Variants in KLHL3 observed in about 807,000 individuals in gnomAD.
The protein encoded by KLHL3 is kelch like family member 3.
A neutral mutation model predicts 70.5 loss-of-function variants in KLHL3; 19 were observed. That is an observed-to-expected ratio of 0.27 (90% CI 0.19 to 0.40). The LOEUF is 0.40. Ranked by LOEUF, KLHL3 falls within the 10% of genes least tolerant of loss-of-function variation. KLHL3 has a pLI of 1.00. For missense variants in KLHL3, 512 were observed against 771.1 expected (o/e 0.66, Z 3.98); for synonymous variants, 258 against 290.3 (o/e 0.89, Z 1.13).
chr5:137,709,204 C>T (rs1185762461), intron 3 of KLHL3, among the ~76,000 whole-genome samples: 30 of 152,234 alleles, frequency 2.0e-4, no homozygotes, highest in Non-Finnish European at 1.5e-5. Context: ...CCCCTCAAAA[C>T]CCACCATCAT....
intron 12 of KLHL3, among the ~76,000 whole-genome samples, chr5:137,631,122 G>A (rs1010980199): frequency 3.3e-5 from 5 of 150,276 alleles, no homozygotes; most frequent in Admixed American, 6.6e-5. Context: ...ATAACATTGC[G>A]GGAATGTGGC....
intron 3 of KLHL3, among the ~76,000 whole-genome samples, chr5:137,700,141 G>C (rs1269936268): frequency 6.6e-6 from 1 of 152,164 alleles, no homozygotes; most frequent in East Asian, 1.9e-4. Flanking sequence ...AAAGAAACAA[G>C]GGAAAAACAG....
rs139529587 is a variant in KLHL3, at chr5:137,710,980, A to C, written c.135-1124T>G. On this transcript the variant is annotated intron_variant, in intron 2 of 14. Transcript: ENST00000309755. ...GCTCTTCATTGGTATCCTGATCACC[A>C]CTCATCCCTCCTTGAGATTAAAGCA... is the stretch of plus-strand genomic sequence containing the variant. Among the ~76,000 whole-genome samples the C allele has an allele frequency of 9.2e-3, 1,401 of 152,246 alleles. 23 individuals carry two copies. Among genetic ancestry groups the C allele is most frequent in the African/African-American group, 0.032 (1,318 of 41,542 alleles).
At chr5:137,735,424 G>A (rs1753245675) in intron 1 of KLHL3, among the ~76,000 whole-genome samples, 1 of 152,174 alleles carries the variant, frequency 6.6e-6, no homozygotes, top group Admixed American at 6.5e-5. Context: ...CTGCCTTTGC[G>A]GAAGCCAGAT....
At chr5:137,714,167 A>G (rs1580782563) in intron 2 of KLHL3, among the ~76,000 whole-genome samples, 2 of 152,174 alleles carry the variant, frequency 1.3e-5, no homozygotes, top group African/African-American at 4.8e-5. Context: ...TAGAATGGCT[A>G]TAATCAAAAG....
intron 8 of KLHL3, among the ~76,000 whole-genome samples, chr5:137,655,366 G>T (rs1751311097): frequency 6.6e-6 from 1 of 152,106 alleles, no homozygotes; most frequent in South Asian, 2.1e-4. Flanking sequence ...CAATAAAACT[G>T]AATCCCTGCC....
intron 13 of KLHL3, 80 bp downstream of exon 13, chr5:137,628,216 CT>C: frequency 1.3e-6 from 2 of 1,537,054 alleles, no homozygotes; most frequent in Non-Finnish European, 1.8e-6. Context: ...CCTGGGAAAT[CT>C]CCCTGCTGTT....
intron 1 of KLHL3, among the ~76,000 whole-genome samples, chr5:137,731,279 C>T (rs1398451429): frequency 6.6e-6 from 1 of 152,186 alleles, no homozygotes; most frequent in Non-Finnish European, 1.5e-5. Flanking sequence ...TTTCAATTAT[C>T]ATGGTTGAAA....
rs190188492 is a variant in KLHL3, at chr5:137,720,329, G to T, written c.134+136C>A. 1,193 of 984,492 alleles carry T rather than the reference G, an allele frequency of 1.2e-3. 4 individuals carry two copies. The highest frequency in any genetic ancestry group is 1.7e-3 in the Non-Finnish European group (1,094 of 661,562). The allele number at this position is 984,492 out of a possible 1,614,324, so 61.0% of individuals were successfully genotyped here. A position where few individuals can be genotyped will look rare whatever the true frequency, so the allele number is the denominator to read the frequency against. On this transcript the variant is annotated intron_variant, in intron 2 of 14. Coordinates refer to ENST00000309755, the MANE Select transcript of KLHL3 (RefSeq NM_017415.3). ...AAAAAAAAAAGAGAGAAAGAAAGGG[G>T]AACTCAAGTGACTAAGAATGGATGG...
At chr5:137,628,728 G>T (rs12173111) in intron 12 of KLHL3, 31,988 of 89,248 alleles carry the variant, frequency 0.36, 3,619 homozygotes, top group South Asian at 0.42. Context: ...CACACAGACA[G>T]ACAGACATAC....
At chr5:137,718,353 C>G (rs1342860491) in intron 2 of KLHL3, among the ~76,000 whole-genome samples, 1 of 152,030 alleles carries the variant, frequency 6.6e-6, no homozygotes, top group African/African-American at 2.4e-5. Flanking sequence ...GAAAAGGGGG[C>G]TGGGCATGGT....
At position 137,687,301 on chromosome 5, in the gene KLHL3, C is replaced by T. The variant is rs1328231402; in HGVS notation, c.526+4984G>A. On this transcript the variant is annotated intron_variant, in intron 5 of 14. Coordinates refer to ENST00000309755, the MANE Select transcript of KLHL3 (RefSeq NM_017415.3). Reference sequence around the variant, plus strand: ...CGGGAGGGAGGTGGGGGGGTCAGCCCCCCGCCCGGCTGGCTGCCCCGTCCG... The same window carrying T: ...CGGGAGGGAGGTGGGGGGGTCAGCCTCCCGCCCGGCTGGCTGCCCCGTCCG... Among the ~76,000 whole-genome samples the T allele has an allele frequency of 8.3e-3, 303 of 36,632 alleles. 114 individuals carry two copies. The highest frequency in any genetic ancestry group is 0.043 in the African/African-American group (279 of 6,462). The allele number at this position is 36,632 out of a possible 152,430, so 24.0% of individuals were successfully genotyped here. A position where few individuals can be genotyped will look rare whatever the true frequency, so the allele number is the denominator to read the frequency against.
At chr5:137,712,948 T>C (rs1166148277) in intron 2 of KLHL3, among the ~76,000 whole-genome samples, 2 of 152,136 alleles carry the variant, frequency 1.3e-5, no homozygotes, top group African/African-American at 4.8e-5. Flanking sequence ...AAATGGTTTT[T>C]TTTCAATTGT....
intron 11 of KLHL3, among the ~76,000 whole-genome samples, chr5:137,634,847 T>TGGGGCTG (rs1349215948): frequency 6.6e-6 from 1 of 152,124 alleles, no homozygotes; most frequent in Admixed American, 6.5e-5. Flanking sequence ...CATTTCTGCC[T>TGGGGCTG]GGGGCTGGGG....
chr5:137,662,762 T>A (rs10037523), intron 6 of KLHL3, among the ~76,000 whole-genome samples: 32 of 152,190 alleles, frequency 2.1e-4, no homozygotes, highest in African/African-American at 7.5e-4. Flanking sequence ...AAACCAGCAG[T>A]GTCTGTAAAA....
intron 5 of KLHL3, among the ~76,000 whole-genome samples, chr5:137,681,475 A>C (rs1752024047): frequency 6.6e-6 from 1 of 152,168 alleles, no homozygotes; most frequent in African/African-American, 2.4e-5. Flanking sequence ...TATGTAAAGA[A>C]CAGTAATAGT....
At chr5:137,695,415 A>G (rs1752424308) in intron 4 of KLHL3, among the ~76,000 whole-genome samples, 1 of 152,098 alleles carries the variant, frequency 6.6e-6, no homozygotes, top group Admixed American at 6.5e-5. Flanking sequence ...TTTGACTCTG[A>G]GACTAGCTTA....
intron 2 of KLHL3, among the ~76,000 whole-genome samples, chr5:137,714,222 G>T (rs1366826316): frequency 6.6e-6 from 1 of 152,086 alleles, no homozygotes; most frequent in African/African-American, 2.4e-5. Flanking sequence ...GAAAGTAGAA[G>T]CTTTGCTGTT....
Position 137,637,500 on chromosome 5 carries a change from C to T in KLHL3, c.1220-105G>A, listed in dbSNP as rs1018959486. 3 of 926,566 alleles carry T rather than the reference C, an allele frequency of 3.2e-6. No individual in the cohort carries two copies. In the East Asian group the frequency reaches 7.9e-5, roughly 24 times the overall value. 57.4% of individuals were successfully genotyped at this position (926,566 alleles called of 1,614,324 possible). A position where few individuals can be genotyped will look rare whatever the true frequency, so the allele number is the denominator to read the frequency against. On this transcript the variant is annotated intron_variant, in intron 10 of 14. Coordinates refer to ENST00000309755, the MANE Select transcript of KLHL3 (RefSeq NM_017415.3). Reference sequence around the variant, plus strand: ...GAGTCCAAATGCATGGGCTGGAAACCTAAATGTATGGCTCAGTACCACCTC... The same window carrying T: ...GAGTCCAAATGCATGGGCTGGAAACTTAAATGTATGGCTCAGTACCACCTC...
Sources: allele counts gnomAD v4.1 joint callset (sites outside exome capture counted in the v4.1 genomes callset), GRCh38; gene constraint gnomAD v4.1.1; transcripts MANE v1.5; gene names NCBI Gene and HGNC (gene_info 2026-07-23, HGNC 2026-07-21).